The following PRX variants were observed in gnomAD, a reference collection of about 807,000 sequenced individuals.
The protein encoded by PRX is periaxin.
In PRX, 24 loss-of-function variants were observed where a neutral mutation model predicts 29.6. That is an observed-to-expected ratio of 0.81 (90% confidence interval 0.59 to 1.14). PRX has a LOEUF of 1.14. Among genes scored for constraint, PRX ranks in the 50% most tolerant of loss-of-function variants. The probability of loss-of-function intolerance (pLI) is 0.00; values close to 1 mark genes in which losing one functional copy is unlikely to be tolerated. For missense variants in PRX, 1,838 were observed against 1,926.4 expected (o/e 0.95, Z 0.86); for synonymous variants, 772 against 831.7 (o/e 0.93, Z 1.24).
At chr19:40,399,965 G>A (rs111710363) in intron 5 of PRX, among the ~76,000 whole-genome samples, 1,644 of 108,848 alleles carry the variant, frequency 0.015, 37 homozygotes, top group African/African-American at 0.048. Context: ...CTTTCTTTCT[G>A]TCTGTCTGTC....
Position 40,394,449 on chromosome 19 carries a change from T to C in PRX, c.3903A>G (p.Gly1301=). 1 of 1,601,914 alleles carries C rather than the reference T, an allele frequency of 6.2e-7. No individual in the cohort carries two copies. The stretch of plus-strand genomic sequence containing the variant: ...GGGGCAGCCGTACCTTGAGCTTGTG[T>C]CCGGCCTCTCCCTCCCCCTCTGCCA... ...YQVAEGEGEA[G]HKLKVRLPRF... is the part of the protein sequence containing the mutation. The change falls in exon 7 of 7, where the codon GGA becomes GGG. Residue 1301 remains glycine, a synonymous_variant. Transcript: ENST00000324001. This position sits in a 1 kb window ranked among gnomAD's most constrained non-coding sequence, Gnocchi z 5.8.
chr19:40,410,987 T>C (rs1376807534), intron 1 of PRX, among the ~76,000 whole-genome samples: 1 of 152,216 alleles, frequency 6.6e-6, no homozygotes, highest in African/African-American at 2.4e-5. Context: ...CACTAAGACC[T>C]TGTCTGCCAT....
At chr19:40,412,418 A>G (rs1329861902) in intron 1 of PRX, among the ~76,000 whole-genome samples, 2 of 152,172 alleles carry the variant, frequency 1.3e-5, no homozygotes, top group African/African-American at 4.8e-5. Context: ...GGCTTTGAAG[A>G]TTTGTGAGAG....
At position 40,403,714 on chromosome 19, in the gene PRX, A is replaced by G. The variant is rs748318191; in HGVS notation, c.176T>C (p.Leu59Pro). The change falls in exon 5 of 7, where the codon CTG becomes CCG. Residue 59 changes from leucine to proline, a missense_variant. Leu to Pro is a moderately conservative substitution (Grantham distance 98). Around this residue, in one of 3 missense-constraint regions of PRX, gnomAD observed 666 missense variants for 665.0 expected, o/e 1.00. Transcript: ENST00000324001. ...ACCCCGGGCCCGCCCACCTTCCTGC[A>G]GGCTGAGGCTCCTGGCGGCGGGTGA... ...EDSPAARSLS[L>P]QEGDQLLSAR... 3 of 1,554,776 alleles carry G rather than the reference A, an allele frequency of 1.9e-6. No homozygotes were observed. The highest frequency in any genetic ancestry group is 1.9e-5 in the Admixed American group (1 of 53,858).
At chr19:40,405,488 G>C (rs1256021665) in intron 4 of PRX, among the ~76,000 whole-genome samples, 14 of 152,126 alleles carry the variant, frequency 9.2e-5, no homozygotes, top group Admixed American at 7.9e-4. Context: ...CCACAGCAGT[G>C]GCCCCAAGGG....
Position 40,408,038 on chromosome 19 carries a change from G to T in PRX, c.-99-7C>A. 6.7e-7 allele frequency: 1 copy of T among 1,497,612 alleles called. No individual in the cohort carries two copies. The highest frequency in any genetic ancestry group is 9.2e-7 in the Non-Finnish European group (1 of 1,091,158). 92.8% of individuals were successfully genotyped at this position (1,497,612 alleles called of 1,614,324 possible). A position where few individuals can be genotyped will look rare whatever the true frequency, so the allele number is the denominator to read the frequency against. On this transcript the variant is annotated splice_polypyrimidine_tract_variant and splice_region_variant and intron_variant, in intron 3 of 6. Transcript: ENST00000324001. ...GGAGCAGCTGCCTCTGAGCCTGTGG[G>T]AGGACAGCAGTGGAGGCTTGAGGCC...
rs149219327 is a variant in PRX, at chr19:40,397,883, C to T, written c.469G>A (p.Glu157Lys). 15 of 1,610,858 alleles carry T rather than the reference C, an allele frequency of 9.3e-6. No homozygotes were observed. The highest frequency in any genetic ancestry group is 1.3e-5 in the Non-Finnish European group (15 of 1,178,698). The change falls in exon 7 of 7, where the codon GAG (glutamate) becomes AAG (lysine). Residue 157 changes from glutamate to lysine, a missense_variant. By Grantham distance (56) the Glu-to-Lys change is moderately conservative. This residue lies in a region of PRX where 666 missense variants were observed against 665.0 expected (regional missense o/e 1.00). Transcript: ENST00000324001. Reference protein sequence around the residue: ...VPADLAPVDVEFSFPKFSRLR... With the variant: ...VPADLAPVDVKFSFPKFSRLR... ...CGGGAGAACTTGGGAAAGGAGAACT[C>T]GACGTCAACAGGGGCCAGGTCAGCG...
intron 5 of PRX, among the ~76,000 whole-genome samples, chr19:40,399,895 C>CTTTCT (rs2079479750): frequency 1.4e-5 from 1 of 71,080 alleles, no homozygotes; most frequent in Non-Finnish European, 2.8e-5. Context: ...TTCTTTCTTT[C>CTTTCT]TTTCTTTCTT....
At chr19:40,403,673 T>C (rs2145740996) in intron 5 of PRX, 33 bp downstream of exon 5, 1 of 1,522,990 alleles carries the variant, frequency 6.6e-7, no homozygotes, top group Non-Finnish European at 8.8e-7. Context: ...GCCCCCGCAG[T>C]TCGACCCCGC....
Position 40,394,488 on chromosome 19 carries a change from A to G in PRX, c.3864T>C (p.His1288=). Residue 1288 remains histidine, a synonymous_variant, in exon 7 of 7, where the codon CAT becomes CAC. Coordinates refer to ENST00000324001, the MANE Select transcript of PRX (RefSeq NM_181882.3). This position sits in a 1 kb window ranked among gnomAD's most constrained non-coding sequence, Gnocchi z 5.8. ...DVELSPSGGN[H]AEYQVAEGEG... is the part of the protein sequence containing the mutation. ...CCCCCTCTGCCACCTGGTACTCGGC[A>G]TGGTTGCCCCCGGATGGCGAGAGCT... 1 of 1,601,296 alleles carries G rather than the reference A, an allele frequency of 6.2e-7. No homozygotes were observed. Among genetic ancestry groups the G allele is most frequent in the Non-Finnish European group, 8.5e-7 (1 of 1,174,574 alleles).
At position 40,398,769 on chromosome 19, in the gene PRX, C is replaced by G; in HGVS notation, c.232G>C (p.Glu78Gln). The change falls in exon 6 of 7, where the codon GAG becomes CAG. Residue 78 changes from glutamate (E) to glutamine (Q), a missense_variant. Glu to Gln is a conservative substitution (Grantham distance 29). Around this residue, in one of 3 missense-constraint regions of PRX, gnomAD observed 666 missense variants for 665.0 expected, o/e 1.00. Coordinates refer to ENST00000324001, the MANE Select transcript of PRX (RefSeq NM_181882.3). This position sits in a 1 kb window ranked among gnomAD's most constrained non-coding sequence, Gnocchi z 6.3. ...CATTGCAGCAGGCGTAGTGCGTCCT[C>G]GTACTTGAAGTTCTCGAAGAACACT... ...ARVFFENFKY[E>Q]DALRLLQCAE... 6.2e-7 allele frequency: 1 copy of G among 1,614,086 alleles called. No individual in the cohort carries two copies. Among genetic ancestry groups the G allele is most frequent in the Non-Finnish European group, 8.5e-7 (1 of 1,179,978 alleles).
At position 40,397,718 on chromosome 19, in the gene PRX, G is replaced by A; in HGVS notation, c.634C>T (p.Pro212Ser). The change falls in exon 7 of 7, where the codon CCT (proline) becomes TCT (serine). Residue 212 changes from proline to serine, a missense_variant. Around this residue, in one of 3 missense-constraint regions of PRX, gnomAD observed 666 missense variants for 665.0 expected, o/e 1.00. Coordinates refer to ENST00000324001, the MANE Select transcript of PRX (RefSeq NM_181882.3). ...AQAARLAAAA[P>S]PPRKAKVEAE... ...TCCACCTTGGCTTTCCTGGGGGGAG[G>A]AGCGGCGGCGGCCAGCCGGGCTGCC... is the stretch of plus-strand genomic sequence containing the variant. 1 of 1,559,796 alleles carries A rather than the reference G, an allele frequency of 6.4e-7. No individual in the cohort carries two copies. Among genetic ancestry groups the A allele is most frequent in the Non-Finnish European group, 8.6e-7 (1 of 1,156,362 alleles).
At position 40,398,313 on chromosome 19, in the gene PRX, G is replaced by A. The variant is rs913932333; in HGVS notation, c.381+307C>T. On this transcript the variant is annotated intron_variant, in intron 6 of 6. Transcript: ENST00000324001. This position sits in a 1 kb window ranked among gnomAD's most constrained non-coding sequence, Gnocchi z 6.3. ...TCCAGGGCCACTCAGCAGTAATTGG[G>A]CCAGCACTCAGGCTGGAATCTGGCT... 37 of 1,424,434 alleles carry A rather than the reference G, an allele frequency of 2.6e-5. No homozygotes were observed. The Admixed American group carries it at 1.1e-3, about 41-fold the overall frequency. 88.2% of individuals were successfully genotyped at this position (1,424,434 alleles called of 1,614,324 possible).
intron 1 of PRX, among the ~76,000 whole-genome samples, chr19:40,408,865 C>T (rs1036037264): frequency 1.3e-5 from 2 of 151,134 alleles, no homozygotes; most frequent in African/African-American, 4.9e-5. Context: ...GAGTTTTGCT[C>T]TGTCACCTAG....
Position 40,407,632 on chromosome 19 carries a change from C to T in PRX, c.27+274G>A, listed in dbSNP as rs16974263. On this transcript the variant is annotated intron_variant, in intron 4 of 6. Transcript: ENST00000324001. Reference sequence around the variant, plus strand: ...GCCTCTTCTGATGAAGGGTTTCTGCCGGATTTTCTTCAGCTCCTTATTAAT... The same window carrying T: ...GCCTCTTCTGATGAAGGGTTTCTGCTGGATTTTCTTCAGCTCCTTATTAAT... 0.19 allele frequency: 109,714 copies of T among 582,904 alleles called. 17,005 individuals are homozygous for T. Among genetic ancestry groups the T allele is most frequent in the African/African-American group, 0.62 (33,096 of 53,588 alleles). 36.1% of individuals were successfully genotyped at this position (582,904 alleles called of 1,614,324 possible).
intron 1 of PRX, among the ~76,000 whole-genome samples, chr19:40,409,970 T>G (rs528110383): frequency 6.6e-6 from 1 of 152,296 alleles, no homozygotes; most frequent in South Asian, 2.1e-4. Flanking sequence ...TGAATTTGTC[T>G]GAAGGCTCCA....
At chr19:40,414,387 G>A (rs1417879942), upstream of PRX, among the ~76,000 whole-genome samples, 1 of 152,174 alleles carries the variant, frequency 6.6e-6, no homozygotes, top group African/African-American at 2.4e-5. Context: ...GCCTCCCAAA[G>A]TTCTGGGATT....
At position 40,394,038 on chromosome 19, in the gene PRX, G is replaced by C. The variant is rs377083046; in HGVS notation, c.4314C>G (p.Pro1438=). ...QEEGGLRVRL[P]SVGFSETGAP... The stretch of plus-strand genomic sequence containing the variant: ...CCCCTGTCTCTGAAAACCCCACGCT[G>C]GGCAGCCGCACCCGCAATCCACCCT... The change falls in exon 7 of 7, where the codon CCC becomes CCG. Residue 1438 remains proline, a synonymous_variant. Transcript: ENST00000324001. The surrounding 1 kb of genome is among the most constrained non-coding windows in gnomAD (Gnocchi z 5.8). 9 of 1,613,096 alleles carry C rather than the reference G, an allele frequency of 5.6e-6. No individual in the cohort carries two copies. In the African/African-American group the frequency reaches 1.2e-4, roughly 22 times the overall value.
At position 40,395,444 on chromosome 19, in the gene PRX, G is replaced by T; in HGVS notation, c.2908C>A (p.Arg970=). 6.2e-7 allele frequency: 1 copy of T among 1,613,970 alleles called. No individual in the cohort carries two copies. The highest frequency in any genetic ancestry group is 2.2e-5 in the East Asian group (1 of 44,838). ...SKFAISLPKA[R]VGAEAEAKGA... is the part of the protein sequence containing the mutation. ...TTGGCCTCAGCCTCAGCCCCCACCC[G>T]AGCCTTGGGGAGTGAGATGGCAAAT... The change falls in exon 7 of 7, where the codon CGG becomes AGG. Residue 970 remains arginine, a synonymous_variant. Coordinates refer to ENST00000324001, the MANE Select transcript of PRX (RefSeq NM_181882.3).
Sources: gnomAD v4.1 joint callset for allele counts (sites outside exome capture counted in the v4.1 genomes callset) on GRCh38, gnomAD v4.1.1 for gene constraint, gnomAD v4.1.1 regional missense constraint, Gnocchi (gnomAD v3.1) non-coding constraint, MANE v1.5 for transcripts, NCBI Gene and HGNC (gene_info 2026-07-23, HGNC 2026-07-21) for gene names.